Variants in KCNMA1 observed in about 807,000 individuals in gnomAD.
The protein encoded by KCNMA1 is potassium calcium-activated channel subfamily M alpha 1.
In KCNMA1, 29 loss-of-function variants were observed where a neutral mutation model predicts 140.0. The ratio of observed to expected loss-of-function variants is 0.21; its 90% confidence interval spans 0.15 to 0.28. The LOEUF (loss-of-function observed/expected upper bound fraction) is 0.28, where lower values mean the gene tolerates loss of function less well. Ranked by LOEUF, KCNMA1 falls within the 10% of genes least tolerant of loss-of-function variation. KCNMA1 has a pLI of 1.00. For missense variants in KCNMA1, 880 were observed against 1,602.2 expected (o/e 0.55, Z 7.70); for synonymous variants, 612 against 611.9 (o/e 1.00, Z 0.00).
At chr10:77,126,717 ACCCCCCCAC>A (rs2097744809) in intron 5 of KCNMA1, among the ~76,000 whole-genome samples, 1 of 68,418 alleles carries the variant, frequency 1.5e-5, no homozygotes, top group South Asian at 5.3e-4. Flanking sequence ...GGTGCCCCCC[ACCCCCCCAC>A]CCCCCCCCCA....
At chr10:77,563,144 G>A (rs528736355) in intron 1 of KCNMA1, among the ~76,000 whole-genome samples, 9 of 150,756 alleles carry the variant, frequency 6.0e-5, no homozygotes, top group African/African-American at 1.7e-4. Context: ...TTCCAAACCC[G>A]TAGGTAGCTC....
At chr10:77,272,442 T>C (rs1365055763) in intron 2 of KCNMA1, among the ~76,000 whole-genome samples, 1 of 152,210 alleles carries the variant, frequency 6.6e-6, no homozygotes, top group Non-Finnish European at 1.5e-5. Flanking sequence ...TGTATATGTC[T>C]TATCTCCCCA....
chr10:77,127,990 T>A (rs1389265290), intron 5 of KCNMA1, among the ~76,000 whole-genome samples: 1 of 151,800 alleles, frequency 6.6e-6, no homozygotes, highest in Non-Finnish European at 1.5e-5. Context: ...ATTAAAAATT[T>A]AAAAATTAAA....
At chr10:77,083,496 T>G (rs1249110114) in intron 12 of KCNMA1, among the ~76,000 whole-genome samples, 2 of 138,446 alleles carry the variant, frequency 1.4e-5, no homozygotes, top group South Asian at 2.4e-4. Context: ...CCCCTAGATG[T>G]TCTGTAAAAA....
At chr10:77,317,026 T>C (rs1215126037) in intron 2 of KCNMA1, among the ~76,000 whole-genome samples, 1 of 152,196 alleles carries the variant, frequency 6.6e-6, no homozygotes, top group Admixed American at 6.5e-5. Flanking sequence ...TATAATGGAC[T>C]GAAGGTGCCT....
At chr10:77,630,930 AC>A (rs1184789449) in intron 1 of KCNMA1, among the ~76,000 whole-genome samples, 1 of 151,234 alleles carries the variant, frequency 6.6e-6, no homozygotes, top group African/African-American at 2.4e-5. Flanking sequence ...ACATAGGGAG[AC>A]CCCATCTCTG....
intron 2 of KCNMA1, among the ~76,000 whole-genome samples, chr10:77,263,785 T>C (rs2062654491): frequency 6.6e-6 from 1 of 152,114 alleles, no homozygotes; most frequent in South Asian, 2.1e-4. Context: ...GCACCAAACA[T>C]GTCACACTCC....
At chr10:77,060,064 A>G (rs1472956149) in intron 14 of KCNMA1, among the ~76,000 whole-genome samples, 1 of 152,196 alleles carries the variant, frequency 6.6e-6, no homozygotes, top group East Asian at 1.9e-4. Flanking sequence ...CAAGTTAAAG[A>G]TGACCTAAAT....
intron 1 of KCNMA1, among the ~76,000 whole-genome samples, chr10:77,457,602 G>C (rs2097781882): frequency 6.6e-6 from 1 of 151,950 alleles, no homozygotes. Flanking sequence ...TTTTTGCTTG[G>C]CTTTTTATCT....
chr10:77,578,454 G>C (rs1028112703), intron 1 of KCNMA1, among the ~76,000 whole-genome samples: 9 of 152,176 alleles, frequency 5.9e-5, no homozygotes, highest in African/African-American at 1.7e-4. Flanking sequence ...TTCCAGTTAA[G>C]TCCTGTGGTA....
chr10:77,111,748 G>C (rs1408467585), intron 7 of KCNMA1, among the ~76,000 whole-genome samples: 1 of 152,160 alleles, frequency 6.6e-6, no homozygotes, highest in Non-Finnish European at 1.5e-5. Flanking sequence ...GCTAGACGAG[G>C]CTCCTTCCAG....
intron 2 of KCNMA1, among the ~76,000 whole-genome samples, chr10:77,373,404 A>G (rs1466623825): frequency 6.6e-6 from 1 of 152,230 alleles, no homozygotes. Context: ...TACAAGCCCC[A>G]GGAATATTTG....
chr10:76,896,445 A>G (rs1489156313), intron 25 of KCNMA1, among the ~76,000 whole-genome samples: 1 of 152,168 alleles, frequency 6.6e-6, no homozygotes, highest in Non-Finnish European at 1.5e-5. Flanking sequence ...TTTAGAAAAA[A>G]TTTGTGCAGT....
intron 3 of KCNMA1, among the ~76,000 whole-genome samples, chr10:77,214,010 T>C (rs1312961665): frequency 6.6e-6 from 1 of 152,060 alleles, no homozygotes; most frequent in African/African-American, 2.4e-5. Flanking sequence ...CTAATTCCCA[T>C]AGTCCACCAT....
chr10:76,900,437 A>G (rs750676749), intron 25 of KCNMA1, among the ~76,000 whole-genome samples: 4 of 152,070 alleles, frequency 2.6e-5, no homozygotes, highest in African/African-American at 4.8e-5. Flanking sequence ...CTTAGTAGTT[A>G]ATTCTTGGTT....
At chr10:76,877,381 A>T (rs1312062477), downstream of KCNMA1, 2 of 156,076 alleles carry the variant, frequency 1.3e-5, no homozygotes, top group East Asian at 3.7e-4. Context: ...AGAAAAACAC[A>T]TTAAGGAGTC....
chr10:77,084,829 A>AC (rs1226111209), intron 11 of KCNMA1, 110 bp from the exon 12 acceptor site: 8 of 776,298 alleles, frequency 1.0e-5, no homozygotes, highest in Non-Finnish European at 1.8e-5. Flanking sequence ...AAGAAAAAAA[A>AC]AAAACAATCC....
chr10:77,231,362 T>C (rs571050959), intron 3 of KCNMA1, among the ~76,000 whole-genome samples: 1 of 152,352 alleles, frequency 6.6e-6, no homozygotes, highest in East Asian at 1.9e-4. Flanking sequence ...GTGTGAGTTT[T>C]ATATTGTTGC....
chr10:76,951,929 C>G, intron 21 of KCNMA1: 1 of 1,075,140 alleles, frequency 9.3e-7, no homozygotes. Context: ...CAGTCGTTGT[C>G]AGGGATTGCA....
Sources: allele counts gnomAD v4.1 joint callset (sites outside exome capture counted in the v4.1 genomes callset), GRCh38; gene constraint gnomAD v4.1.1; transcripts MANE v1.5; gene names NCBI Gene and HGNC (gene_info 2026-07-23, HGNC 2026-07-21).